The following REDIC1 variants were observed in gnomAD, a reference collection of about 807,000 sequenced individuals.
The protein encoded by REDIC1 is HEI10 Interacting Protein 1.
the REDIC1 span, chr12:39,721,477 A>AGAG: frequency 2.3e-6 from 1 of 428,912 alleles, no homozygotes; most frequent in African/African-American, 2.1e-5. Flanking sequence ...GGTATATGGT[A>AGAG]GAGTTTTTAG....
At chr12:39,653,635 C>G in the REDIC1 span, among the ~76,000 whole-genome samples, 2 of 146,818 alleles carry the variant, frequency 1.4e-5, no homozygotes, top group African/African-American at 5.0e-5. Context: ...GTGATCTTAG[C>G]CAAAAGGCCA....
At chr12:39,829,842 C>T in the REDIC1 span, 1 of 420,146 alleles carries the variant, frequency 2.4e-6, no homozygotes, top group Non-Finnish European at 4.3e-6. Context: ...GAATAGCTGC[C>T]TAAAACTAAA....
the REDIC1 span, among the ~76,000 whole-genome samples, chr12:39,633,939 TTAAAG>T: frequency 1.3e-5 from 2 of 152,176 alleles, no homozygotes; most frequent in South Asian, 2.1e-4. Context: ...CATTTGAACT[TTAAAG>T]TAGTTTTTTC....
the REDIC1 span, among the ~76,000 whole-genome samples, chr12:39,894,074 A>G: frequency 3.9e-5 from 6 of 152,228 alleles, no homozygotes; most frequent in Non-Finnish European, 8.8e-5. Flanking sequence ...AATACATTTT[A>G]ATAAATGTTT....
At chr12:39,829,807 GA>G in the REDIC1 span, 1 of 353,766 alleles carries the variant, frequency 2.8e-6, no homozygotes, top group African/African-American at 2.1e-5. Flanking sequence ...TATGCAGTGG[GA>G]GAAATTGCCT....
At chr12:39,794,996 A>T in the REDIC1 span, among the ~76,000 whole-genome samples, 1 of 151,992 alleles carries the variant, frequency 6.6e-6, no homozygotes, top group Non-Finnish European at 1.5e-5. Context: ...GTCTCATTCT[A>T]ATCTGTTTGG....
the REDIC1 span, among the ~76,000 whole-genome samples, chr12:39,702,364 C>T: frequency 1.3e-5 from 2 of 152,338 alleles, no homozygotes; most frequent in East Asian, 3.9e-4. Flanking sequence ...AACACATACA[C>T]CCTCCCAAGA....
At chr12:39,854,767 G>A in the REDIC1 span, among the ~76,000 whole-genome samples, 1 of 152,076 alleles carries the variant, frequency 6.6e-6, no homozygotes. Context: ...ATCATCCTGT[G>A]CCTGGTGGCC....
the REDIC1 span, chr12:39,907,707 C>A: frequency 6.6e-5 from 10 of 151,920 alleles, no homozygotes; most frequent in African/African-American, 2.4e-4. Flanking sequence ...TGCAGAAAGC[C>A]CTCTGACCTG....
the REDIC1 span, among the ~76,000 whole-genome samples, chr12:39,674,393 A>G: frequency 2.0e-5 from 3 of 152,182 alleles, no homozygotes; most frequent in Admixed American, 2.0e-4. Flanking sequence ...CAGGTAAGAG[A>G]CAGGACTAGT....
the REDIC1 span, among the ~76,000 whole-genome samples, chr12:39,673,404 G>T: frequency 1.3e-5 from 2 of 152,202 alleles, no homozygotes; most frequent in Non-Finnish European, 1.5e-5. Context: ...TCATTCAGGA[G>T]TCAGACTGCT....
At chr12:39,727,769 T>C in the REDIC1 span, among the ~76,000 whole-genome samples, 1 of 152,240 alleles carries the variant, frequency 6.6e-6, no homozygotes, top group African/African-American at 2.4e-5. Context: ...ACAATATTGA[T>C]TCTTCCTATC....
the REDIC1 span, chr12:39,683,514 A>C: frequency 6.8e-7 from 1 of 1,476,248 alleles, no homozygotes; most frequent in Admixed American, 1.7e-5. Flanking sequence ...TGGGGAATAC[A>C]AATCAGGATC....
the REDIC1 span, among the ~76,000 whole-genome samples, chr12:39,800,326 T>C: frequency 1.1e-4 from 16 of 152,276 alleles, no homozygotes; most frequent in Middle Eastern, 6.8e-3. Flanking sequence ...CAAGGGGGGA[T>C]TGAATTCGCA....
the REDIC1 span, among the ~76,000 whole-genome samples, chr12:39,898,021 C>G: frequency 6.6e-6 from 1 of 151,974 alleles, no homozygotes; most frequent in Non-Finnish European, 1.5e-5. Context: ...TTAATCATAA[C>G]AATTATTTTT....
the REDIC1 span, among the ~76,000 whole-genome samples, chr12:39,814,761 AT>A: frequency 6.6e-6 from 1 of 152,208 alleles, no homozygotes; most frequent in Non-Finnish European, 1.5e-5. Context: ...GAAATTTTAA[AT>A]TTCACATTTG....
At chr12:39,751,394 A>C in the REDIC1 span, among the ~76,000 whole-genome samples, 3 of 152,234 alleles carry the variant, frequency 2.0e-5, no homozygotes, top group African/African-American at 7.2e-5. Flanking sequence ...GTAAGAAGTC[A>C]GGAAACAACA....
the REDIC1 span, among the ~76,000 whole-genome samples, chr12:39,761,543 A>T: frequency 1.3e-5 from 2 of 152,012 alleles, no homozygotes; most frequent in Non-Finnish European, 2.9e-5. Flanking sequence ...AAGATACAGA[A>T]TAAGATTAGT....
the REDIC1 span, chr12:39,872,092 G>A: frequency 1.6e-6 from 1 of 634,722 alleles, no homozygotes. Context: ...AAATTAACGT[G>A]GGAATTCATG....
Sources: gnomAD v4.1 joint callset for allele counts (sites outside exome capture counted in the v4.1 genomes callset) on GRCh38, gnomAD v4.1.1 for gene constraint, MANE v1.5 for transcripts, NCBI Gene and HGNC (gene_info 2026-07-23, HGNC 2026-07-21) for gene names.